STAB1: variants seen among roughly 807,000 people sequenced by gnomAD.
The protein encoded by STAB1 is stabilin-1.
STAB1 carries 250 observed loss-of-function variants against 332.4 expected under a neutral mutation model. The ratio of observed to expected loss-of-function variants is 0.75; its 90% confidence interval spans 0.68 to 0.84. The LOEUF (loss-of-function observed/expected upper bound fraction) is 0.84. Among genes scored for constraint, STAB1 ranks in the 40% least tolerant of loss-of-function variants. The pLI is 0.00. For synonymous variants in STAB1, 1,475 were observed against 1,390.4 expected, an observed-to-expected ratio of 1.06 and a Z score of -1.35; for missense variants, 3,249 against 3,489.7, an observed-to-expected ratio of 0.93 and a Z score of 1.74.
chr3:52,519,287 C>T lies in STAB1; in HGVS notation c.5058C>T (p.Phe1686=), dbSNP rs765154351. 6.2e-7 allele frequency: 1 copy of T among 1,612,936 alleles called. No homozygotes were observed. Among genetic ancestry groups the T allele is most frequent in the East Asian group, 2.2e-5 (1 of 44,880 alleles). Residue 1686 remains phenylalanine (F), a synonymous_variant, in exon 49 of 69, where the codon TTC becomes TTT. Coordinates refer to ENST00000321725, the MANE Select transcript of STAB1 (RefSeq NM_015136.3). ...EREGSIYLND[F]ARVVSSDHEA... is the part of the protein sequence containing the mutation. ...AGGGCAGCATATACCTCAATGACTT[C>T]GCGCGCGTGGTGAGCAGCGACCATG...
intron 6 of STAB1, 41 bp downstream of exon 6, chr3:52,502,768 T>C: frequency 6.3e-7 from 1 of 1,589,402 alleles, no homozygotes; most frequent in Non-Finnish European, 8.6e-7. Context: ...AGCAGGTCCC[T>C]GTGGCCAGAG....
At chr3:52,505,588 C>A in intron 14 of STAB1, 80 bp from the exon 15 acceptor site, 1 of 1,434,638 alleles carries the variant, frequency 7.0e-7, no homozygotes, top group Admixed American at 2.0e-5. Flanking sequence ...TCCTGCAGGC[C>A]AAAGGTGGCA....
At chr3:52,517,489 T>C (rs1010938478) in intron 43 of STAB1, 61 bp from the exon 44 acceptor site, 2 of 1,599,198 alleles carry the variant, frequency 1.3e-6, no homozygotes, top group Non-Finnish European at 1.7e-6. Context: ...GTGACCCTTT[T>C]ACCCAGGGTG....
At chr3:52,519,767 A>G in intron 50 of STAB1, 177 bp from the exon 51 acceptor site, 5 of 1,130,770 alleles carry the variant, frequency 4.4e-6, no homozygotes, top group Non-Finnish European at 6.2e-6. Flanking sequence ...GTGTGCCCAC[A>G]TTCCTGACAG....
intron 20 of STAB1, 117 bp from the exon 21 acceptor site, chr3:52,508,156 T>A (rs1709020806): frequency 1.5e-6 from 2 of 1,350,518 alleles, no homozygotes; most frequent in Non-Finnish European, 2.1e-6. Flanking sequence ...GGAAAAGGGG[T>A]CCCAGAGAAA....
intron 43 of STAB1, 77 bp downstream of exon 43, chr3:52,517,470 G>T: frequency 6.3e-7 from 1 of 1,589,100 alleles, no homozygotes; most frequent in East Asian, 2.2e-5. Flanking sequence ...GGCAGGCCCG[G>T]GGAGGGGGGT....
At chr3:52,504,285 G>A (rs566285723) in intron 10 of STAB1, 130 bp downstream of exon 10, 192 of 1,464,574 alleles carry the variant, frequency 1.3e-4, no homozygotes, top group Non-Finnish European at 1.7e-4. Flanking sequence ...GTGGCTGTGG[G>A]GGGTGCATGC....
At chr3:52,519,795 A>T in intron 50 of STAB1, 149 bp from the exon 51 acceptor site, 1 of 1,172,416 alleles carries the variant, frequency 8.5e-7, no homozygotes. Context: ...CACAGTTGAG[A>T]TGTGTGCACA....
At chr3:52,504,189 C>A in intron 10 of STAB1, 34 bp downstream of exon 10, 1 of 1,563,260 alleles carries the variant, frequency 6.4e-7, no homozygotes, top group South Asian at 1.2e-5. Flanking sequence ...ACGACCCGAC[C>A]CCTCACCCCC....
rs756252738 is a variant in STAB1, at chr3:52,523,543, C to T, written c.7257C>T (p.Asp2419=). The change falls in exon 65 of 69, where the codon GAC becomes GAT. Residue 2419 remains aspartate, a synonymous_variant. Transcript: ENST00000321725. ...CAGGCCTCAGCCTCATCATCAGTGA[C>T]GCAGGCCCTGACAACAGTTCCTGGG... ...AHSGLSLIIS[D]AGPDNSSWAP... The T allele has an allele frequency of 2.9e-5, 47 of 1,612,760 alleles. No homozygotes were observed. Among genetic ancestry groups the T allele is most frequent in the Middle Eastern group, 1.6e-4 (1 of 6,084 alleles).
At position 52,517,102 on chromosome 3, in the gene STAB1, G is replaced by C. The variant is rs2078895297; in HGVS notation, c.4482G>C (p.Leu1494=). 1 of 1,551,790 alleles carries C rather than the reference G, an allele frequency of 6.4e-7. No individual in the cohort carries two copies. The highest frequency in any genetic ancestry group is 1.4e-5 in the African/African-American group (1 of 72,976). The part of the protein sequence containing the change: ...CQDGYMGDGE[L]CQEINSCLIH... ...ATGGCTACATGGGCGACGGGGAGCT[G>C]TGCCAGGGTGAGACTAGGCCCCTAA... Residue 1494 remains leucine, a synonymous_variant, in exon 42 of 69, where the codon CTG becomes CTC. Coordinates refer to ENST00000321725, the MANE Select transcript of STAB1 (RefSeq NM_015136.3).
At chr3:52,505,593 G>A in intron 14 of STAB1, 75 bp from the exon 15 acceptor site, 1 of 1,461,032 alleles carries the variant, frequency 6.8e-7, no homozygotes, top group South Asian at 1.2e-5. Context: ...CAGGCCAAAG[G>A]TGGCAGGGCC....
rs769581703 is a variant in STAB1, at chr3:52,517,026, A to T, written c.4406A>T (p.His1469Leu). 2 of 1,608,304 alleles carry T rather than the reference A, an allele frequency of 1.2e-6. No homozygotes were observed. Among genetic ancestry groups the T allele is most frequent in the South Asian group, 2.2e-5 (2 of 90,376 alleles). ...CACGGCCATGGGGGCTGCTCCCCTC[A>T]TGCCAACTGTACCAAGGTGGCACCT... ...CAHGHGGCSP[H>L]ANCTKVAPGQ... is the part of the protein sequence containing the mutation. The change falls in exon 42 of 69, where the codon CAT (histidine) becomes CTT (leucine). Residue 1469 changes from histidine to leucine, a missense_variant. Physicochemically the swap from His to Leu is moderately conservative, Grantham distance 99. Transcript: ENST00000321725.
rs369022432 is a variant in STAB1 at position 52,521,713 on chromosome 3, G to A, written c.6163+13G>A. The A allele has an allele frequency of 4.2e-5, 67 of 1,611,972 alleles. No homozygotes were observed. The highest frequency in any genetic ancestry group is 3.7e-4 in the African/African-American group (28 of 74,926). On this transcript the variant is annotated intron_variant, in intron 57 of 68. Transcript: ENST00000321725. ...GAGGTGCAACTGGGTGAGTAGCCCC[G>A]TGCTCGTGCCCACCCTACACACTTG...
At chr3:52,495,782 C>T (rs1035766189) in intron 1 of STAB1, among the ~76,000 whole-genome samples, 2 of 152,230 alleles carry the variant, frequency 1.3e-5, no homozygotes, top group African/African-American at 4.8e-5. Context: ...CTGTCCTGCC[C>T]TTCTGGCCCA....
Position 52,513,912 on chromosome 3 carries a change from C to T in STAB1, c.3378C>T (p.Pro1126=), listed in dbSNP as rs140427515. ...QVLLPPRGDV[P]GGQGLLQQLD... is the part of the protein sequence containing the mutation. The stretch of plus-strand genomic sequence containing the variant: ...TACTGCCCCCCCGAGGGGATGTGCC[C>T]GGTGGGCAGGGGTTGCTGCAGCAGC... The change falls in exon 32 of 69, where the codon CCC becomes CCT. Residue 1126 remains proline (P), a synonymous_variant. Transcript: ENST00000321725. 31 of 1,605,074 alleles carry T rather than the reference C, an allele frequency of 1.9e-5. No homozygotes were observed. Among genetic ancestry groups the T allele is most frequent in the South Asian group, 1.5e-4 (14 of 90,460 alleles).
At position 52,514,328 on chromosome 3, in the gene STAB1, A is replaced by G. The variant is rs759960953; in HGVS notation, c.3547-37A>G. The G allele has an allele frequency of 7.0e-6, 11 of 1,560,660 alleles. No individual in the cohort carries two copies. The African/African-American group carries it at 9.5e-5, about 13-fold the overall frequency. The stretch of plus-strand genomic sequence containing the variant: ...GGCGTGCTGTCCAGGGCACTTGGTT[A>G]TCCTGCAGTCCCCTGGGTTCTCTCC... On this transcript the variant is annotated intron_variant, in intron 33 of 68. Coordinates refer to ENST00000321725, the MANE Select transcript of STAB1 (RefSeq NM_015136.3).
chr3:52,503,867 T>G lies in STAB1; in HGVS notation c.987T>G (p.Ser329=). 6.2e-7 allele frequency: 1 copy of G among 1,612,230 alleles called. No individual in the cohort carries two copies. The highest frequency in any genetic ancestry group is 8.5e-7 in the Non-Finnish European group (1 of 1,179,584). The change falls in exon 9 of 69, where the codon TCT becomes TCG. Residue 329 remains serine, a synonymous_variant. Transcript: ENST00000321725. ...AFCSPFSCDR[S]ATCQVTADGK... ...GCTCCCCCTTCTCCTGCGACCGGTC[T>G]GCCACTTGCCAGGTGACCGCTGATG... is the stretch of plus-strand genomic sequence containing the variant.
intron 18 of STAB1, among the ~76,000 whole-genome samples, 165 bp from the exon 19 acceptor site, chr3:52,507,448 C>T (rs138709505): frequency 8.5e-4 from 129 of 152,370 alleles, no homozygotes; most frequent in Non-Finnish European, 1.5e-3. Flanking sequence ...CTGCCCGGCT[C>T]GGGGCCTCTG....
Sources: gnomAD v4.1 joint callset for allele counts (sites outside exome capture counted in the v4.1 genomes callset) on GRCh38, gnomAD v4.1.1 for gene constraint, MANE v1.5 for transcripts, NCBI Gene and HGNC (gene_info 2026-07-23, HGNC 2026-07-21) for gene names.